ETFDH: variants seen among roughly 807,000 people sequenced by gnomAD.
ETFDH encodes the protein electron transfer flavoprotein-ubiquinone oxidoreductase, mitochondrial.
A neutral mutation model predicts 73.2 loss-of-function variants in ETFDH; 61 were observed. The ratio of observed to expected loss-of-function variants is 0.83; its 90% CI spans 0.68 to 1.03. The LOEUF is 1.03. Ranked by LOEUF, ETFDH falls within the 50% of genes least tolerant of loss-of-function variation. ETFDH has a pLI of 0.00. For missense variants in ETFDH, 685 were observed against 745.0 expected (o/e 0.92, Z 0.94); for synonymous variants, 243 against 253.3 (o/e 0.96, Z 0.39).
rs1773974277 is a variant in ETFDH at position 158,685,220 on chromosome 4, G to GT, written c.606+4dup. ...ATACCCTGGTTATGCAGCTGCTGAG[G>GT]TTTGTATAGTTTTGTTTTGTTTTAA... On this transcript the variant is annotated splice_donor_variant, in intron 5 of 12. Coordinates refer to ENST00000511912, the MANE Select transcript of ETFDH (RefSeq NM_004453.4). LOFTEE classifies it high-confidence loss of function. The GT allele has an allele frequency of 6.6e-7, 1 of 1,526,252 alleles. No homozygotes were observed. Among genetic ancestry groups the GT allele is most frequent in the Non-Finnish European group, 9.1e-7 (1 of 1,100,198 alleles). 94.5% of individuals were successfully genotyped at this position (1,526,252 alleles called of 1,614,324 possible).
rs1178823624 is a variant in ETFDH at position 158,703,403 on chromosome 4, C to G, written c.1117-20C>G. ...TTTAATATGAACTAACAAATGTATT[C>G]TGAATCTTTGTTTCCTCAGTCTATA... On this transcript the variant is annotated intron_variant, in intron 9 of 12. Transcript: ENST00000511912. 1.9e-6 allele frequency: 3 copies of G among 1,565,458 alleles called. No individual in the cohort carries two copies. The highest frequency in any genetic ancestry group is 2.6e-6 in the Non-Finnish European group (3 of 1,136,038).
chr4:158,703,782 T>C (rs1259117071), intron 10 of ETFDH, among the ~76,000 whole-genome samples, 191 bp downstream of exon 10: 2 of 152,180 alleles, frequency 1.3e-5, no homozygotes, highest in East Asian at 3.8e-4. Flanking sequence ...TTCTGTTTTA[T>C]TCACATCAAA....
chr4:158,701,263 G>T (rs143636774), intron 9 of ETFDH, among the ~76,000 whole-genome samples: 14 of 152,306 alleles, frequency 9.2e-5, no homozygotes, highest in African/African-American at 3.4e-4. Context: ...TCTGGTTCTT[G>T]AATCGAACTT....
At chr4:158,678,093 A>G (rs747179218) in intron 1 of ETFDH, among the ~76,000 whole-genome samples, 20 of 152,218 alleles carry the variant, frequency 1.3e-4, no homozygotes, top group Admixed American at 3.9e-4. Context: ...CCCTTTGCGG[A>G]GCTTCATGTC....
intron 1 of ETFDH, among the ~76,000 whole-genome samples, 176 bp downstream of exon 1, chr4:158,672,666 T>C (rs1487112563): frequency 6.6e-6 from 1 of 152,058 alleles, no homozygotes; most frequent in African/African-American, 2.4e-5. Context: ...CCCTCTGGGG[T>C]TGCCCCAGTT....
chr4:158,689,620 ATATATATATATATATATT>A (rs1204179118), intron 5 of ETFDH, among the ~76,000 whole-genome samples: 4 of 109,984 alleles, frequency 3.6e-5, no homozygotes, highest in Non-Finnish European at 7.8e-5. Flanking sequence ...ATATATATAT[ATATATATATATATATATT>A]GTGGGGGGGT....
chr4:158,703,618 A>G, intron 10 of ETFDH, 27 bp downstream of exon 10: 1 of 1,409,550 alleles, frequency 7.1e-7, no homozygotes, highest in Non-Finnish European at 1.0e-6. Context: ...TAAAGTATAC[A>G]AAAGAAAATT....
At chr4:158,674,077 G>A (rs76433339) in intron 1 of ETFDH, among the ~76,000 whole-genome samples, 1,774 of 152,246 alleles carry the variant, frequency 0.012, 27 homozygotes, top group African/African-American at 0.038. Flanking sequence ...ACAAGCAGTA[G>A]AAATAGTTTG....
At position 158,684,653 on chromosome 4, in the gene ETFDH, T is replaced by A; in HGVS notation, c.467T>A (p.Ile156Asn). ...GGAATTTTAACAGAGAAATACAGAA[T>A]TCCTGTGCCAATTCTTCCAGGTAAG... ...RFGILTEKYR[I>N]PVPILPGLPM... is the part of the protein sequence containing the mutation. The change falls in exon 4 of 13, where the codon ATT becomes AAT. Residue 156 changes from isoleucine to asparagine, a missense_variant. Physicochemically the swap from Ile to Asn is moderately radical, Grantham distance 149. Around this residue, in one of 3 missense-constraint regions of ETFDH, gnomAD observed 405 missense variants for 399.3 expected, o/e 1.01. Transcript: ENST00000511912. 6.4e-7 allele frequency: 1 copy of A among 1,568,538 alleles called. No individual in the cohort carries two copies. Among genetic ancestry groups the A allele is most frequent in the Non-Finnish European group, 8.8e-7 (1 of 1,138,498 alleles).
chr4:158,697,116 A>G (rs1774326910), intron 7 of ETFDH, among the ~76,000 whole-genome samples: 1 of 149,802 alleles, frequency 6.7e-6, no homozygotes, highest in South Asian at 2.1e-4. Context: ...TTTTTTTGAG[A>G]CTGAGTCATG....
intron 1 of ETFDH, among the ~76,000 whole-genome samples, chr4:158,675,768 C>CAA (rs199648174): frequency 2.7e-4 from 21 of 78,716 alleles, no homozygotes; most frequent in Admixed American, 9.7e-4. Flanking sequence ...GACCCTGTCT[C>CAA]AAAAAAAAAA....
intron 8 of ETFDH, 92 bp from the exon 9 acceptor site, chr4:158,698,895 C>A: frequency 1.1e-6 from 1 of 891,184 alleles, no homozygotes; most frequent in Non-Finnish European, 1.8e-6. Context: ...AGAAATTTAA[C>A]CTACATGTTT....
At chr4:158,676,321 T>G (rs954076221) in intron 1 of ETFDH, among the ~76,000 whole-genome samples, 1 of 152,106 alleles carries the variant, frequency 6.6e-6, no homozygotes, top group Non-Finnish European at 1.5e-5. Flanking sequence ...TCGATCTGGG[T>G]GGTGCCAGCT....
chr4:158,706,938 C>T, intron 12 of ETFDH, 88 bp downstream of exon 12: 1 of 832,308 alleles, frequency 1.2e-6, no homozygotes, highest in Non-Finnish European at 2.0e-6. Context: ...TCTGTATCTC[C>T]TTCCATTCCT....
chr4:158,709,410 T>C lies in ETFDH; in HGVS notation c.*883T>C. 1.1e-5 allele frequency: 2 copies of C among 181,746 alleles called. No homozygotes were observed. Among genetic ancestry groups the C allele is most frequent in the Non-Finnish European group, 2.3e-5 (2 of 87,648 alleles). 11.3% of individuals were successfully genotyped at this position (181,746 alleles called of 1,614,324 possible). A position where few individuals can be genotyped will look rare whatever the true frequency, so the allele number is the denominator to read the frequency against. ...AGCTGGGCGTGGTGGCACGTGCCTG[T>C]AATCCCAGCTACTTGGGAAGCTGAG... On this transcript the variant is annotated 3_prime_UTR_variant, in exon 13 of 13. Transcript: ENST00000511912.
chr4:158,704,476 T>G (rs1485036023), intron 10 of ETFDH, among the ~76,000 whole-genome samples: 3 of 152,184 alleles, frequency 2.0e-5, no homozygotes, highest in Admixed American at 2.0e-4. Context: ...TTGTTCTCTT[T>G]CCCTTTGTTT....
At chr4:158,685,251 A>G (rs1036024857) in intron 5 of ETFDH, 32 bp downstream of exon 5, 1 of 1,134,914 alleles carries the variant, frequency 8.8e-7, no homozygotes, top group South Asian at 1.2e-5. Flanking sequence ...TTTAATATTT[A>G]TAGGAACTCT....
intron 9 of ETFDH, among the ~76,000 whole-genome samples, chr4:158,700,504 A>G (rs968512840): frequency 2.6e-5 from 4 of 151,408 alleles, no homozygotes; most frequent in Non-Finnish European, 4.4e-5. Flanking sequence ...AAGCATGTCA[A>G]ACATGTCAAA....
At chr4:158,696,136 C>T (rs955199746) in intron 7 of ETFDH, among the ~76,000 whole-genome samples, 3 of 152,138 alleles carry the variant, frequency 2.0e-5, no homozygotes, top group African/African-American at 7.2e-5. Context: ...TTTATCCATT[C>T]TCTAGTCTTA....
Sources: gnomAD v4.1 joint callset for allele counts (sites outside exome capture counted in the v4.1 genomes callset) on GRCh38, gnomAD v4.1.1 for gene constraint, gnomAD v4.1.1 regional missense constraint, MANE v1.5 for transcripts, NCBI Gene and HGNC (gene_info 2026-07-23, HGNC 2026-07-21) for gene names.